The following EPC1 variants were observed in gnomAD, a reference collection of about 807,000 sequenced individuals.
EPC1 encodes enhancer of polycomb 1.
EPC1 carries 12 observed loss-of-function variants against 98.4 expected under a neutral mutation model. That is an observed-to-expected ratio of 0.12 (90% CI 0.08 to 0.20). The LOEUF (loss-of-function observed/expected upper bound fraction) is 0.20, where lower values mean the gene tolerates loss of function less well. EPC1 is among the 10% of genes least tolerant of loss of function. The pLI is 1.00. For missense variants in EPC1, 729 were observed against 990.5 expected (o/e 0.74, Z 3.54); for synonymous variants, 357 against 363.9 (o/e 0.98, Z 0.21).
intron 1 of EPC1, among the ~76,000 whole-genome samples, chr10:32,340,308 A>T (rs956175649): frequency 6.6e-6 from 1 of 152,220 alleles, no homozygotes; most frequent in African/African-American, 2.4e-5. Flanking sequence ...TAGATGTAAT[A>T]AGTACAGCAA....
intron 1 of EPC1, among the ~76,000 whole-genome samples, chr10:32,323,961 A>C (rs988633758): frequency 6.6e-6 from 1 of 152,064 alleles, no homozygotes; most frequent in African/African-American, 2.4e-5. Flanking sequence ...TTTGAGACAG[A>C]GTCTCGCTCT....
chr10:32,365,474 G>A (rs192962764), intron 1 of EPC1, among the ~76,000 whole-genome samples: 18 of 152,068 alleles, frequency 1.2e-4, no homozygotes, highest in Non-Finnish European at 1.9e-4. Context: ...AATAACAGTC[G>A]CACTCTAACC....
At chr10:32,308,971 C>T (rs1189264355) in intron 1 of EPC1, among the ~76,000 whole-genome samples, 4 of 152,148 alleles carry the variant, frequency 2.6e-5, no homozygotes, top group Non-Finnish European at 5.9e-5. Flanking sequence ...ATGAAAACAT[C>T]TATCATTTGC....
chr10:32,307,627 A>G (rs754826009), intron 1 of EPC1, among the ~76,000 whole-genome samples: 3 of 152,204 alleles, frequency 2.0e-5, no homozygotes, highest in Non-Finnish European at 2.9e-5. Context: ...TTATGTGTGT[A>G]TATGGGGTGG....
At chr10:32,288,312 C>CT (rs5784278) in intron 6 of EPC1, among the ~76,000 whole-genome samples, 1,879 of 124,042 alleles carry the variant, frequency 0.015, 38 homozygotes, top group African/African-American at 0.039. Context: ...TTACTTTTTT[C>CT]TTTTTTTTTT....
At chr10:32,368,785 A>T (rs1839671122) in intron 1 of EPC1, among the ~76,000 whole-genome samples, 1 of 152,212 alleles carries the variant, frequency 6.6e-6, no homozygotes, top group Admixed American at 6.5e-5. Context: ...CTCTGAAATC[A>T]GGTTTGTCTA....
intron 1 of EPC1, among the ~76,000 whole-genome samples, chr10:32,339,853 G>A (rs988039173): frequency 5.3e-5 from 8 of 152,172 alleles, no homozygotes; most frequent in African/African-American, 1.9e-4. Flanking sequence ...TTTCAGTGAC[G>A]TTAAGTGACT....
intron 1 of EPC1, among the ~76,000 whole-genome samples, chr10:32,363,419 T>C (rs532034098): frequency 6.6e-6 from 1 of 151,282 alleles, no homozygotes; most frequent in African/African-American, 2.4e-5. Flanking sequence ...TAATTTTCAC[T>C]GTAGGGTGGA....
chr10:32,332,210 A>G (rs1454640071), intron 1 of EPC1, among the ~76,000 whole-genome samples: 1 of 152,250 alleles, frequency 6.6e-6, no homozygotes, highest in African/African-American at 2.4e-5. Flanking sequence ...AAGGCTTCAT[A>G]ACAGTTGACA....
At chr10:32,285,397 A>G (rs930786567) in intron 9 of EPC1, 7 of 219,030 alleles carry the variant, frequency 3.2e-5, no homozygotes, top group Admixed American at 3.1e-4. Context: ...AACAAAAAAC[A>G]TAGTATACCA....
chr10:32,313,888 A>G (rs1308090372), intron 1 of EPC1, among the ~76,000 whole-genome samples: 5 of 151,936 alleles, frequency 3.3e-5, no homozygotes, highest in Non-Finnish European at 7.4e-5. Flanking sequence ...TCTGTCTCCA[A>G]AAAAAAATAA....
intron 1 of EPC1, among the ~76,000 whole-genome samples, chr10:32,358,103 C>T (rs1209781446): frequency 2.0e-5 from 3 of 152,188 alleles, no homozygotes; most frequent in Non-Finnish European, 4.4e-5. Flanking sequence ...GATCCACCCG[C>T]CTCAGCCTCC....
At chr10:32,283,774 T>C (rs963045055) in intron 10 of EPC1, 2 of 152,222 alleles carry the variant, frequency 1.3e-5, no homozygotes, top group Admixed American at 6.5e-5. Flanking sequence ...ATTAGTCAAG[T>C]TTTTGGGGAG....
intron 1 of EPC1, among the ~76,000 whole-genome samples, chr10:32,356,423 G>T (rs1449518449): frequency 6.6e-6 from 1 of 151,960 alleles, no homozygotes; most frequent in African/African-American, 2.4e-5. Flanking sequence ...CACTCAGGGA[G>T]TGAGAGAGGA....
chr10:32,362,116 G>T (rs1406860920), intron 1 of EPC1, among the ~76,000 whole-genome samples: 2 of 152,152 alleles, frequency 1.3e-5, no homozygotes, highest in African/African-American at 4.8e-5. Flanking sequence ...TCTGTGTGTG[G>T]AGTAGCCATT....
Position 32,371,730 on chromosome 10 carries a change from CT to C in EPC1, c.3+6760del, listed in dbSNP as rs1839756768. On this transcript the variant is annotated intron_variant, in intron 1 of 13. Coordinates refer to the EPC1 transcript ENST00000375110. ...CCTGGCCAACATGGTGAAACCTCAT[CT>C]CTACTAAAAATACACACACACAAAA... 3.3e-5 allele frequency among the ~76,000 whole-genome samples: 5 copies of C among 152,218 alleles called. No individual in the cohort carries two copies. The South Asian group carries it at 8.3e-4, about 25-fold the overall frequency.
chr10:32,308,595 C>A (rs1225311855), intron 1 of EPC1, among the ~76,000 whole-genome samples: 1 of 152,126 alleles, frequency 6.6e-6, no homozygotes. Context: ...AAATAGTGAG[C>A]CATCTGTCCT....
At chr10:32,344,043 GATAACAA>G (rs1161848309) in intron 1 of EPC1, among the ~76,000 whole-genome samples, 1 of 152,100 alleles carries the variant, frequency 6.6e-6, no homozygotes, top group African/African-American at 2.4e-5. Context: ...GACCTAATAA[GATAACAA>G]ATAACTAATG....
At position 32,290,615 on chromosome 10, in the gene EPC1, AAAGGAATATTTTTCCTTTTATCAGATAT is replaced by A. The variant is rs1237315334; in HGVS notation, c.975+520_975+547del. ...ATACTTCATAATCCTACAACTTGTA[AAAGGAATATTTTTCCTTTTATCAGATAT>A]AGTAACAAAAGCTTCCCTTTATAAG... On this transcript the variant is annotated intron_variant, in intron 6 of 13. Coordinates refer to ENST00000319778, the MANE Select transcript of EPC1 (RefSeq NM_001272004.3). 4.6e-5 allele frequency among the ~76,000 whole-genome samples: 7 copies of A among 151,988 alleles called. No individual in the cohort carries two copies. The East Asian group carries it at 1.3e-3, about 29-fold the overall frequency.
Sources: allele counts gnomAD v4.1 joint callset (sites outside exome capture counted in the v4.1 genomes callset), GRCh38; gene constraint gnomAD v4.1.1; transcripts MANE v1.5; gene names NCBI Gene and HGNC (gene_info 2026-07-23, HGNC 2026-07-21).